MPP7: variants seen among roughly 807,000 people sequenced by gnomAD.
The protein encoded by MPP7 is MAGUK p55 scaffold protein 7.
MPP7 carries 60 observed loss-of-function variants against 76.5 expected under a neutral mutation model. That is an observed-to-expected ratio of 0.78 (90% CI 0.64 to 0.97). The LOEUF (loss-of-function observed/expected upper bound fraction) is 0.97, where lower values mean the gene tolerates loss of function less well. Ranked by LOEUF, MPP7 falls within the 50% of genes least tolerant of loss-of-function variation. The pLI is 0.00. For synonymous variants in MPP7, 237 were observed against 244.5 expected, an observed-to-expected ratio of 0.97 and a Z score of 0.29; for missense variants, 641 against 694.0, an observed-to-expected ratio of 0.92 and a Z score of 0.86.
chr10:28,161,013 TTTCATGCTG>T (rs533536556), intron 3 of MPP7, among the ~76,000 whole-genome samples: 2 of 152,352 alleles, frequency 1.3e-5, no homozygotes, highest in Non-Finnish European at 2.9e-5. Flanking sequence ...CTTTCATGCT[TTTCATGCTG>T]GCTGATTGCT....
chr10:28,262,914 G>C (rs1380244768), intron 1 of MPP7, among the ~76,000 whole-genome samples: 1 of 152,162 alleles, frequency 6.6e-6, no homozygotes, highest in Non-Finnish European at 1.5e-5. Flanking sequence ...AAATTAGCCA[G>C]GAGAGGTGGC....
chr10:28,111,556 C>T (rs964564817), intron 11 of MPP7, among the ~76,000 whole-genome samples: 16 of 151,512 alleles, frequency 1.1e-4, no homozygotes, highest in Non-Finnish European at 1.8e-4. Flanking sequence ...AGAAATTTCT[C>T]GATAAAAATA....
chr10:28,176,286 G>A (rs73608055), intron 3 of MPP7, among the ~76,000 whole-genome samples: 2,361 of 152,122 alleles, frequency 0.016, 42 homozygotes, highest in African/African-American at 0.051. Flanking sequence ...AAGCCTGAGA[G>A]ACCCTGTCAG....
At chr10:28,145,384 T>C (rs965508051) in intron 5 of MPP7, among the ~76,000 whole-genome samples, 1 of 152,224 alleles carries the variant, frequency 6.6e-6, no homozygotes, top group Non-Finnish European at 1.5e-5. Context: ...ACATTTTTCA[T>C]ATTTTAACTG....
At position 28,186,176 on chromosome 10, in the gene MPP7, T is replaced by C. The variant is rs974646865; in HGVS notation, c.156+15977A>G. ...GCCTGGCCAAAATGGTGAAGCCCTG[T>C]CTCTACTAAAAATACAAAAATTAGC... On this transcript the variant is annotated intron_variant, in intron 3 of 16. Transcript: ENST00000683449. 5.9e-5 allele frequency among the ~76,000 whole-genome samples: 9 copies of C among 152,176 alleles called. No individual in the cohort carries two copies. The East Asian group carries it at 1.7e-3, about 29-fold the overall frequency.
intron 1 of MPP7, among the ~76,000 whole-genome samples, chr10:28,301,166 G>A (rs182679793): frequency 1.3e-5 from 2 of 152,126 alleles, no homozygotes; most frequent in African/African-American, 2.4e-5. Context: ...TCTTCAATCC[G>A]TCTATAAATT....
intron 16 of MPP7, among the ~76,000 whole-genome samples, chr10:28,056,150 A>C (rs1851546188): frequency 6.6e-6 from 1 of 151,784 alleles, no homozygotes; most frequent in Admixed American, 6.6e-5. Flanking sequence ...ATCTCAGCTC[A>C]CTGCACTCTC....
intron 2 of MPP7, among the ~76,000 whole-genome samples, chr10:28,226,340 G>A (rs574808488): frequency 2.0e-5 from 3 of 151,984 alleles, no homozygotes; most frequent in South Asian, 2.1e-4. Context: ...TCCACCTCCC[G>A]GGTTCAAGCT....
intron 11 of MPP7, among the ~76,000 whole-genome samples, chr10:28,105,846 C>T (rs747702803): frequency 1.3e-5 from 2 of 152,070 alleles, no homozygotes; most frequent in Non-Finnish European, 2.9e-5. Flanking sequence ...AAATGAAGGC[C>T]TATTTTGCAC....
chr10:28,119,633 T>G lies in MPP7; in HGVS notation c.952+18A>C. On this transcript the variant is annotated intron_variant, in intron 11 of 16. Coordinates refer to ENST00000683449, the MANE Select transcript of MPP7 (RefSeq NM_001318170.2). ...ACATCAGGGTTTGGTTTCTCTGCAT[T>G]CTTATTAACAAACTTACATGATTTC... 6 of 1,607,996 alleles carry G rather than the reference T, an allele frequency of 3.7e-6. No homozygotes were observed. The highest frequency in any genetic ancestry group is 5.1e-6 in the Non-Finnish European group (6 of 1,174,674).
intron 15 of MPP7, among the ~76,000 whole-genome samples, chr10:28,057,413 C>T (rs954981184): frequency 6.6e-6 from 1 of 151,944 alleles, no homozygotes; most frequent in Non-Finnish European, 1.5e-5. Flanking sequence ...TCTCGTGAGA[C>T]CCTGTTGTTT....
Position 28,125,059 on chromosome 10 carries a change from C to T in MPP7, c.480G>A (p.Gly160=). 6.2e-7 allele frequency: 1 copy of T among 1,614,008 alleles called. No homozygotes were observed. The highest frequency in any genetic ancestry group is 8.5e-7 in the Non-Finnish European group (1 of 1,179,958). The change falls in exon 7 of 17, where the codon GGG becomes GGA. Residue 160 remains glycine, a synonymous_variant. Coordinates refer to ENST00000683449, the MANE Select transcript of MPP7 (RefSeq NM_001318170.2). ...TCATGATTCTGGCCACAATGATCGC[C>T]CCGGTCTGTTCATCCTTCTTAATGG... is the stretch of plus-strand genomic sequence containing the variant. ...GATIKKDEQT[G]AIIVARIMRG...
intron 11 of MPP7, chr10:28,119,035 A>G (rs1834745012): frequency 1.0e-6 from 1 of 985,294 alleles, no homozygotes; most frequent in Non-Finnish European, 1.2e-6. Context: ...GTGGTGGGAA[A>G]TAAAGAAAAG....
At chr10:28,238,104 T>G (rs184161648) in intron 2 of MPP7, among the ~76,000 whole-genome samples, 1 of 152,132 alleles carries the variant, frequency 6.6e-6, no homozygotes, top group African/African-American at 2.4e-5. Flanking sequence ...AATTTCAGGA[T>G]AGTTTTACCT....
intron 12 of MPP7, among the ~76,000 whole-genome samples, chr10:28,070,784 G>A (rs1781837): frequency 0.9 from 137,138 of 152,278 alleles, 61,776 homozygotes; most frequent in East Asian, 0.95. Flanking sequence ...GATCTTAAAG[G>A]AAGTCACCGG....
chr10:28,249,032 T>C (rs1839526939), intron 1 of MPP7, among the ~76,000 whole-genome samples: 1 of 152,190 alleles, frequency 6.6e-6, no homozygotes, highest in Non-Finnish European at 1.5e-5. Flanking sequence ...CTTAGAATAG[T>C]GCCTGCCATA....
intron 3 of MPP7, among the ~76,000 whole-genome samples, chr10:28,152,502 G>T (rs1220028912): frequency 6.6e-6 from 1 of 152,106 alleles, no homozygotes; most frequent in East Asian, 1.9e-4. Flanking sequence ...AACACATATA[G>T]ACTTCACCCC....
At chr10:28,313,409 G>A (rs1841300391) in intron 2 of MPP7, among the ~76,000 whole-genome samples, 1 of 152,116 alleles carries the variant, frequency 6.6e-6, no homozygotes, top group Non-Finnish European at 1.5e-5. Context: ...AGGAAGCTGA[G>A]GCAGGAGAAT....
At chr10:28,182,034 TGTATG>T (rs997994654) in intron 3 of MPP7, among the ~76,000 whole-genome samples, 10 of 152,316 alleles carry the variant, frequency 6.6e-5, no homozygotes, top group African/African-American at 2.4e-4. Context: ...TCTGCATGGA[TGTATG>T]TTTTAACACT....
Sources: allele counts gnomAD v4.1 joint callset (sites outside exome capture counted in the v4.1 genomes callset), GRCh38; gene constraint gnomAD v4.1.1; transcripts MANE v1.5; gene names NCBI Gene and HGNC (gene_info 2026-07-23, HGNC 2026-07-21).